Variants in TMCC3 observed in about 807,000 individuals in gnomAD.
TMCC3 encodes the protein transmembrane and coiled-coil domain protein 3.
In TMCC3, 28 loss-of-function variants were observed where a neutral mutation model predicts 40.2. The observed-to-expected ratio is 0.70, with a 90% CI of 0.52 to 0.95. The LOEUF (loss-of-function observed/expected upper bound fraction) is 0.95, where lower values mean the gene tolerates loss of function less well. Among genes scored for constraint, TMCC3 ranks in the 40% least tolerant of loss-of-function variants. TMCC3 has a pLI of 0.00. For missense variants in TMCC3, 554 were observed against 615.2 expected (o/e 0.90, Z 1.05); for synonymous variants, 255 against 248.5 (o/e 1.03, Z -0.25).
Position 94,568,090 on chromosome 12 carries a change from G to T in TMCC3, c.*3345C>A, listed in dbSNP as rs138640150. On this transcript the variant is annotated 3_prime_UTR_variant, in exon 4 of 4. Transcript: ENST00000261226. ...GACAGAGAAGGATAACAGCCTCACC[G>T]GCTGAAATGAAAGACGGAGTTTCGG... 1 of 152,138 alleles carries T rather than the reference G, an allele frequency of 6.6e-6. No homozygotes were observed. The highest frequency in any genetic ancestry group is 2.4e-5 in the African/African-American group (1 of 41,406). The allele number at this position is 152,138 out of a possible 1,614,324, so 9.4% of individuals were successfully genotyped here.
intron 1 of TMCC3, among the ~76,000 whole-genome samples, chr12:94,621,965 G>T (rs2068878092): frequency 6.6e-6 from 1 of 152,168 alleles, no homozygotes; most frequent in African/African-American, 2.4e-5. Context: ...TTCAGTATCA[G>T]TAGGAGAAAT....
rs1356541471 is a variant in TMCC3 at position 94,590,178 on chromosome 12, T to G, written c.79-7640A>C. Among the ~76,000 whole-genome samples, 3 of 148,830 alleles carry G rather than the reference T, an allele frequency of 2.0e-5. No individual in the cohort carries two copies. The East Asian group carries it at 5.9e-4, about 29-fold the overall frequency. ...GTGCAGTGTCGCGATCTCCGCTCACTGCAAATTCCAATGTTCAAGTGATTC... is the reference window on the plus strand; with the variant it reads ...GTGCAGTGTCGCGATCTCCGCTCACGGCAAATTCCAATGTTCAAGTGATTC... On this transcript the variant is annotated intron_variant, in intron 1 of 3. Coordinates refer to ENST00000261226, the MANE Select transcript of TMCC3 (RefSeq NM_020698.4).
chr12:94,603,153 C>T (rs552405369), intron 1 of TMCC3, among the ~76,000 whole-genome samples: 1 of 152,178 alleles, frequency 6.6e-6, no homozygotes, highest in Non-Finnish European at 1.5e-5. Flanking sequence ...GGCGCAATCT[C>T]GGTTCACCGC....
At chr12:94,612,472 G>A (rs569529643) in intron 1 of TMCC3, among the ~76,000 whole-genome samples, 2 of 151,612 alleles carry the variant, frequency 1.3e-5, no homozygotes, top group South Asian at 2.1e-4. Context: ...CACTACACTC[G>A]GCTAATTTTT....
rs367923674 is a variant in TMCC3, at chr12:94,581,867, C to G, written c.750G>C (p.Lys250Asn). Residue 250 changes from lysine (K) to asparagine (N), a missense_variant, in exon 2 of 4, where the codon AAG becomes AAC. By Grantham distance (94) the Lys-to-Asn change is moderately conservative. Transcript: ENST00000261226. ...GGSATIVNKP[K>N]YGSDDECSSG... ...TCGAACATTCATCATCACTGCCATA[C>G]TTGGGTTTGTTCACGATGGTAGCGC... The G allele has an allele frequency of 8.1e-6, 13 of 1,614,128 alleles. 1 individual carries two copies. In the African/African-American group the frequency reaches 1.3e-4, roughly 17 times the overall value.
chr12:94,649,822 A>C (rs1437233113), intron 1 of TMCC3, among the ~76,000 whole-genome samples: 1 of 152,254 alleles, frequency 6.6e-6, no homozygotes, highest in Non-Finnish European at 1.5e-5. Flanking sequence ...GAGGCAGCGC[A>C]AAGATTCTGA....
chr12:94,571,351 C>G lies in TMCC3; in HGVS notation c.*84G>C, dbSNP rs1177357448. 2.1e-6 allele frequency: 3 copies of G among 1,399,560 alleles called. No homozygotes were observed. Among genetic ancestry groups the G allele is most frequent in the Admixed American group, 3.9e-5 (2 of 51,838 alleles). The allele number at this position is 1,399,560 out of a possible 1,614,324, so 86.7% of individuals were successfully genotyped here. A position where few individuals can be genotyped will look rare whatever the true frequency, so the allele number is the denominator to read the frequency against. ...TTTCTTACACACGAGTCCGCACAAT[C>G]ATTCACTGTAAAATTTGGTAGTATG... On this transcript the variant is annotated 3_prime_UTR_variant, in exon 4 of 4. Coordinates refer to ENST00000261226, the MANE Select transcript of TMCC3 (RefSeq NM_020698.4).
chr12:94,615,859 A>G, intron 1 of TMCC3: 1 of 917,004 alleles, frequency 1.1e-6, no homozygotes, highest in Non-Finnish European at 1.3e-6. Context: ...ATTAAAGACC[A>G]CAAAGCTCCA....
intron 1 of TMCC3, among the ~76,000 whole-genome samples, chr12:94,641,977 T>C (rs1468358229): frequency 6.6e-6 from 1 of 151,796 alleles, no homozygotes; most frequent in Non-Finnish European, 1.5e-5. Flanking sequence ...GATACATGAA[T>C]TGTCACCCCT....
At chr12:94,577,013 G>C (rs1428688134) in intron 3 of TMCC3, among the ~76,000 whole-genome samples, 2 of 152,054 alleles carry the variant, frequency 1.3e-5, no homozygotes, top group Admixed American at 6.6e-5. Flanking sequence ...ACCTCTCTGT[G>C]CCTCGGTCTC....
intron 1 of TMCC3, among the ~76,000 whole-genome samples, chr12:94,600,240 GTTTT>G (rs530585319): frequency 3.2e-4 from 33 of 102,070 alleles, no homozygotes; most frequent in African/African-American, 1.2e-3. Context: ...CCAAATTCTG[GTTTT>G]TTTTTTTTTT....
intron 1 of TMCC3, among the ~76,000 whole-genome samples, chr12:94,615,445 C>G (rs1383576022): frequency 6.6e-6 from 1 of 152,220 alleles, no homozygotes; most frequent in Non-Finnish European, 1.5e-5. Context: ...CACACAAAGT[C>G]AGTTTTACAG....
Position 94,578,518 on chromosome 12 carries a change from AGTC to A in TMCC3, c.1004_1006del (p.Arg335del). On this transcript the variant is annotated inframe_deletion, in exon 3 of 4. Transcript: ENST00000261226. ...CGTCAGGTCATGCAGCTGGTCCTCC[AGTC>A]GCTCATACCTTTAAAAGAGAGGAGC... is the stretch of plus-strand genomic sequence containing the variant. 6.2e-7 allele frequency: 1 copy of A among 1,613,768 alleles called. No homozygotes were observed. Among genetic ancestry groups the A allele is most frequent in the South Asian group, 1.1e-5 (1 of 91,022 alleles).
At position 94,578,621 on chromosome 12, in the gene TMCC3, G is replaced by C. The variant is rs1050446876; in HGVS notation, c.996-92C>G. The C allele has an allele frequency of 6.3e-6, 9 of 1,419,132 alleles. No individual in the cohort carries two copies. In the Admixed American group the frequency reaches 9.5e-5, roughly 15 times the overall value. 87.9% of individuals were successfully genotyped at this position (1,419,132 alleles called of 1,614,324 possible). ...TATCTTCCTGCGCCAGTACCTTTTG[G>C]CTTGCTCTCATTCCCTGATGGGCTG... On this transcript the variant is annotated intron_variant, in intron 2 of 3. Coordinates refer to ENST00000261226, the MANE Select transcript of TMCC3 (RefSeq NM_020698.4).
rs2068509881 is a variant in TMCC3 at position 94,568,813 on chromosome 12, A to T, written c.*2622T>A. Reference sequence around the variant, plus strand: ...CCAAGTGAAAACAAGGTTATTTGACATTTAGTGAGAGTCAATGAAAATATG... The same window carrying T: ...CCAAGTGAAAACAAGGTTATTTGACTTTTAGTGAGAGTCAATGAAAATATG... On this transcript the variant is annotated 3_prime_UTR_variant, in exon 4 of 4. Coordinates refer to ENST00000261226, the MANE Select transcript of TMCC3 (RefSeq NM_020698.4). 6.6e-6 allele frequency: 1 copy of T among 152,226 alleles called. No homozygotes were observed. Among genetic ancestry groups the T allele is most frequent in the South Asian group, 2.1e-4 (1 of 4,836 alleles). 9.4% of individuals were successfully genotyped at this position (152,226 alleles called of 1,614,324 possible). A position where few individuals can be genotyped will look rare whatever the true frequency, so the allele number is the denominator to read the frequency against.
At chr12:94,584,473 T>C (rs527713331) in intron 1 of TMCC3, among the ~76,000 whole-genome samples, 2 of 152,218 alleles carry the variant, frequency 1.3e-5, no homozygotes, top group South Asian at 2.1e-4. Context: ...TATTTCTTTA[T>C]AGCAATGTGA....
chr12:94,617,432 G>T (rs1250728519), intron 1 of TMCC3, among the ~76,000 whole-genome samples: 1 of 152,184 alleles, frequency 6.6e-6, no homozygotes, highest in Non-Finnish European at 1.5e-5. Context: ...TTCCTTTTGG[G>T]ATTTAATGAA....
chr12:94,614,110 A>AAC (rs1393360687), intron 1 of TMCC3, among the ~76,000 whole-genome samples: 5 of 151,772 alleles, frequency 3.3e-5, no homozygotes, highest in East Asian at 1.9e-4. Flanking sequence ...AAAAAAAAAA[A>AAC]AAAAAACTAT....
chr12:94,603,796 CA>C lies in TMCC3; in HGVS notation c.79-21259del, dbSNP rs1189665979. 3.3e-5 allele frequency among the ~76,000 whole-genome samples: 5 copies of C among 151,888 alleles called. No individual in the cohort carries two copies. The East Asian group carries it at 5.8e-4, about 18-fold the overall frequency. On this transcript the variant is annotated intron_variant, in intron 1 of 3. Transcript: ENST00000261226. ...GAAACCTCAAAAAAGTAATAAGATGCAAAAAAACTTAGATAACAAAAATGCA... is the reference window on the plus strand; with the variant it reads ...GAAACCTCAAAAAAGTAATAAGATGCAAAAAACTTAGATAACAAAAATGCA...
Sources: gnomAD v4.1 joint callset for allele counts (sites outside exome capture counted in the v4.1 genomes callset) on GRCh38, gnomAD v4.1.1 for gene constraint, MANE v1.5 for transcripts, NCBI Gene and HGNC (gene_info 2026-07-23, HGNC 2026-07-21) for gene names.